Variants in CDH13 observed in about 807,000 individuals in gnomAD.
The protein encoded by CDH13 is cadherin-13.
Under a neutral mutation model 63.8 loss-of-function variants are expected in CDH13, and 24 were observed. The observed-to-expected ratio is 0.38, with a 90% CI of 0.27 to 0.53. The LOEUF (loss-of-function observed/expected upper bound fraction) is 0.53, where lower values mean the gene tolerates loss of function less well. Among genes scored for constraint, CDH13 ranks in the 20% least tolerant of loss-of-function variants. The pLI, the probability that CDH13 is intolerant of heterozygous loss-of-function variation, is 0.85. For synonymous variants in CDH13, 503 were observed against 355.3 expected (o/e 1.42, Z -4.67); for missense variants, 1,049 against 903.1 (o/e 1.16, Z -2.07).
In CDH13 at chr16:83,488,884, C is replaced by T. The variant is rs987499809; in HGVS notation, c.960+2229C>T. Among the ~76,000 whole-genome samples the T allele has an allele frequency of 3.3e-5, 5 of 152,194 alleles. No homozygotes were observed. In the South Asian group the frequency reaches 8.3e-4, roughly 25 times the overall value. ...AGGTGATCTGCCCACCTCGGCCTCCCAGTGTGCTGGGATTACAGGGATGAG... is the reference window on the plus strand; with the variant it reads ...AGGTGATCTGCCCACCTCGGCCTCCTAGTGTGCTGGGATTACAGGGATGAG... On this transcript the variant is annotated intron_variant, in intron 7 of 13. Coordinates refer to ENST00000567109, the MANE Select transcript of CDH13 (RefSeq NM_001257.5).
chr16:83,044,677 C>T (rs542533429), intron 3 of CDH13, among the ~76,000 whole-genome samples: 178 of 152,304 alleles, frequency 1.2e-3, no homozygotes, highest in African/African-American at 4.0e-3. Flanking sequence ...CACAACAATG[C>T]CTGGATGCAG....
intron 7 of CDH13, among the ~76,000 whole-genome samples, chr16:83,534,322 T>C (rs1168762212): frequency 6.6e-6 from 1 of 152,232 alleles, no homozygotes; most frequent in Non-Finnish European, 1.5e-5. Context: ...TTCAGCTTTG[T>C]GATCTTGGCT....
At chr16:83,121,060 C>T (rs1387507617) in intron 3 of CDH13, among the ~76,000 whole-genome samples, 1 of 152,128 alleles carries the variant, frequency 6.6e-6, no homozygotes, top group Non-Finnish European at 1.5e-5. Flanking sequence ...CTGCGCCCAG[C>T]CAATGCTGTT....
chr16:82,851,350 G>A (rs2039473675), intron 1 of CDH13, among the ~76,000 whole-genome samples: 1 of 151,000 alleles, frequency 6.6e-6, no homozygotes, highest in African/African-American at 2.4e-5. Context: ...CTGGAGAATT[G>A]CTTGAACCCT....
At chr16:82,811,994 T>C (rs1884071505) in intron 1 of CDH13, among the ~76,000 whole-genome samples, 1 of 152,082 alleles carries the variant, frequency 6.6e-6, no homozygotes, top group Admixed American at 6.6e-5. Context: ...GAGACATGAG[T>C]AGGTTCTACC....
intron 3 of CDH13, among the ~76,000 whole-genome samples, chr16:83,103,130 T>A (rs2034581326): frequency 6.6e-6 from 1 of 151,274 alleles, no homozygotes; most frequent in South Asian, 2.1e-4. Flanking sequence ...TTTTTGTATC[T>A]TTAGTAGAGA....
chr16:82,718,852 A>G (rs998089697), intron 1 of CDH13, among the ~76,000 whole-genome samples: 24 of 152,308 alleles, frequency 1.6e-4, no homozygotes, highest in Non-Finnish European at 3.5e-4. Flanking sequence ...ACAATTCAAG[A>G]TGAAATTTGG....
In CDH13 at chr16:82,627,123, G is replaced by C. The variant is rs1907370485; in HGVS notation, c.31G>C (p.Val11Leu). MQPRTPLVLC[V>L]LLSQVLLLTS... is the part of the protein sequence containing the mutation. ...GCCGAGAACTCCGCTCGTTCTGTGC[G>C]TTCTCCTGTCCCAGGTAGGGAAGAG... is the stretch of plus-strand genomic sequence containing the variant. Residue 11 changes from valine to leucine, a missense_variant, in exon 1 of 14, where the codon GTT becomes CTT. Val to Leu is a conservative substitution (Grantham distance 32). Transcript: ENST00000567109. 2 of 1,607,182 alleles carry C rather than the reference G, an allele frequency of 1.2e-6. No individual in the cohort carries two copies. Among genetic ancestry groups the C allele is most frequent in the African/African-American group, 2.7e-5 (2 of 74,942 alleles).
intron 8 of CDH13, among the ~76,000 whole-genome samples, chr16:83,658,178 G>T (rs1374028813): frequency 2.0e-5 from 3 of 146,978 alleles, no homozygotes; most frequent in Admixed American, 6.7e-5. Flanking sequence ...CACCAGCAAG[G>T]TCCCATATCC....
intron 2 of CDH13, among the ~76,000 whole-genome samples, chr16:83,015,724 A>ATATATATAT (rs1555562946): frequency 2.9e-4 from 14 of 49,122 alleles, no homozygotes; most frequent in Non-Finnish European, 5.4e-4. Context: ...TATATATATA[A>ATATATATAT]AGAAAAAGCA....
intron 6 of CDH13, among the ~76,000 whole-genome samples, chr16:83,444,008 G>C (rs138284095): frequency 2.7e-5 from 4 of 150,662 alleles, no homozygotes; most frequent in African/African-American, 4.9e-5. Flanking sequence ...TGGCAAAGAC[G>C]GTGGTGAAGG....
chr16:83,202,650 T>C (rs779501592), intron 4 of CDH13, among the ~76,000 whole-genome samples: 2 of 152,208 alleles, frequency 1.3e-5, no homozygotes, highest in Non-Finnish European at 2.9e-5. Context: ...ATGATAAGAA[T>C]AATAAGAGTA....
intron 13 of CDH13, among the ~76,000 whole-genome samples, chr16:83,792,535 T>C (rs1567600198): frequency 6.6e-6 from 1 of 152,194 alleles, no homozygotes; most frequent in Non-Finnish European, 1.5e-5. Context: ...TAGAGACATT[T>C]TGATTATTAT....
At chr16:82,698,524 T>C (rs1227036640) in intron 1 of CDH13, among the ~76,000 whole-genome samples, 1 of 152,192 alleles carries the variant, frequency 6.6e-6, no homozygotes, top group Non-Finnish European at 1.5e-5. Flanking sequence ...TGTTCACGTA[T>C]TTGAGGTGGG....
At chr16:83,151,753 T>G (rs542191698) in intron 4 of CDH13, among the ~76,000 whole-genome samples, 2 of 152,224 alleles carry the variant, frequency 1.3e-5, no homozygotes, top group East Asian at 3.9e-4. Flanking sequence ...TCACCTGAGG[T>G]CAGGAGTTCA....
At chr16:83,651,839 C>T (rs1912410914) in intron 8 of CDH13, among the ~76,000 whole-genome samples, 1 of 152,112 alleles carries the variant, frequency 6.6e-6, no homozygotes, top group Non-Finnish European at 1.5e-5. Context: ...AGGTGATCTG[C>T]CTGCTTCAGC....
chr16:82,951,753 C>A (rs1905327244), intron 2 of CDH13, among the ~76,000 whole-genome samples: 1 of 152,134 alleles, frequency 6.6e-6, no homozygotes, highest in South Asian at 2.1e-4. Context: ...ATAACTGTCT[C>A]CCCCTGGGGA....
chr16:83,666,668 C>T (rs1388529264), intron 8 of CDH13, among the ~76,000 whole-genome samples: 1 of 152,200 alleles, frequency 6.6e-6, no homozygotes, highest in African/African-American at 2.4e-5. Flanking sequence ...CCACCTTTGG[C>T]TCTTCCCGCC....
At chr16:82,977,270 C>G (rs759535214) in intron 2 of CDH13, among the ~76,000 whole-genome samples, 1 of 152,062 alleles carries the variant, frequency 6.6e-6, no homozygotes, top group African/African-American at 2.4e-5. Context: ...AGTAAGGCAG[C>G]CAACCCTCAG....
Sources: gnomAD v4.1 joint callset for allele counts (sites outside exome capture counted in the v4.1 genomes callset) on GRCh38, gnomAD v4.1.1 for gene constraint, MANE v1.5 for transcripts, NCBI Gene and HGNC (gene_info 2026-07-23, HGNC 2026-07-21) for gene names.